CFAP44: variants seen among roughly 807,000 people sequenced by gnomAD.
CFAP44 encodes cilia and flagella associated protein 44.
In CFAP44, 134 loss-of-function variants were observed where a neutral mutation model predicts 216.2. The ratio of observed to expected loss-of-function variants is 0.62; its 90% confidence interval spans 0.54 to 0.72. The LOEUF is 0.72. CFAP44 is among the 30% of genes least tolerant of loss of function. The pLI, the probability that CFAP44 is intolerant of heterozygous loss-of-function variation, is 0.00. For missense variants in CFAP44, 2,035 were observed against 2,182.1 expected (o/e 0.93, Z 1.34); for synonymous variants, 700 against 727.6 (o/e 0.96, Z 0.61).
intron 3 of CFAP44, chr3:113,426,892 C>A: frequency 3.1e-6 from 1 of 322,606 alleles, no homozygotes; most frequent in Admixed American, 5.1e-5. Context: ...GGGGAACTCC[C>A]AATTACTTCC....
At chr3:113,400,088 C>A in intron 12 of CFAP44, 88 bp from the exon 13 acceptor site, 1 of 847,130 alleles carries the variant, frequency 1.2e-6, no homozygotes, top group Non-Finnish European at 1.7e-6. Flanking sequence ...AATATTATAA[C>A]AAGAAATTTC....
chr3:113,307,070 A>G (rs1472187693), intron 29 of CFAP44, among the ~76,000 whole-genome samples: 1 of 152,196 alleles, frequency 6.6e-6, no homozygotes, highest in Non-Finnish European at 1.5e-5. Flanking sequence ...TTTTTTCTCT[A>G]CTGAACCGTT....
intron 34 of CFAP44, 77 bp downstream of exon 34, chr3:113,294,610 C>T (rs1227321425): frequency 1.4e-6 from 2 of 1,445,428 alleles, no homozygotes; most frequent in Non-Finnish European, 9.0e-7. Context: ...AATGCCAGTA[C>T]TTAACATTCT....
intron 6 of CFAP44, among the ~76,000 whole-genome samples, chr3:113,413,914 G>C (rs1018174456): frequency 6.6e-6 from 1 of 152,328 alleles, no homozygotes. Flanking sequence ...ATGGTAGTTT[G>C]ATGGGAATAG....
At position 113,330,748 on chromosome 3, in the gene CFAP44, T is replaced by C; in HGVS notation, c.3616-80A>G. ...ATGGAATATGATCTGCTCTTTTCTG[T>C]TGCTGAAAGGCCTAGAAAAAATTCA... is the stretch of plus-strand genomic sequence containing the variant. On this transcript the variant is annotated intron_variant, in intron 25 of 34. Transcript: ENST00000393845. 2.1e-6 allele frequency: 3 copies of C among 1,422,922 alleles called. 1 individual carries two copies. In the South Asian group the frequency reaches 4.8e-5, roughly 23 times the overall value. 88.1% of individuals were successfully genotyped at this position (1,422,922 alleles called of 1,614,324 possible).
chr3:113,364,623 G>C (rs1278034515), intron 19 of CFAP44, among the ~76,000 whole-genome samples: 1 of 151,914 alleles, frequency 6.6e-6, no homozygotes, highest in African/African-American at 2.4e-5. Flanking sequence ...GCTGATACTG[G>C]GGCAATTGTC....
intron 28 of CFAP44, among the ~76,000 whole-genome samples, chr3:113,318,596 A>G (rs1219067796): frequency 1.3e-5 from 2 of 152,180 alleles, no homozygotes; most frequent in African/African-American, 4.8e-5. Flanking sequence ...GATATGATAC[A>G]AGATGACCAC....
At chr3:113,377,410 G>A (rs1338144813) in intron 17 of CFAP44, among the ~76,000 whole-genome samples, 1 of 152,060 alleles carries the variant, frequency 6.6e-6, no homozygotes, top group African/African-American at 2.4e-5. Flanking sequence ...ATGAACTCTG[G>A]AGCCAGATTG....
chr3:113,300,487 A>C (rs1949924287), intron 32 of CFAP44, among the ~76,000 whole-genome samples: 1 of 150,518 alleles, frequency 6.6e-6, no homozygotes, highest in African/African-American at 2.4e-5. Context: ...ATATATATAT[A>C]TATATACCTA....
intron 19 of CFAP44, 21 bp from the exon 20 acceptor site, chr3:113,363,553 G>A (rs748657244): frequency 3.8e-6 from 6 of 1,575,388 alleles, no homozygotes; most frequent in Non-Finnish European, 5.2e-6. Context: ...GGAAGTAAAA[G>A]GTTAGCCCTT....
chr3:113,375,364 AG>A (rs1223864963), intron 17 of CFAP44, among the ~76,000 whole-genome samples: 3 of 152,244 alleles, frequency 2.0e-5, no homozygotes, highest in Non-Finnish European at 1.5e-5. Flanking sequence ...TTCAATAAAA[AG>A]CAATTGGAAA....
At chr3:113,399,135 C>A (rs1934069530) in intron 13 of CFAP44, among the ~76,000 whole-genome samples, 1 of 152,168 alleles carries the variant, frequency 6.6e-6, no homozygotes, top group Non-Finnish European at 1.5e-5. Flanking sequence ...TTGGCAGTCC[C>A]AGCTTAGCCT....
intron 28 of CFAP44, among the ~76,000 whole-genome samples, chr3:113,314,258 A>G (rs893704752): frequency 3.3e-5 from 5 of 152,206 alleles, no homozygotes; most frequent in Non-Finnish European, 7.3e-5. Context: ...CTAAAGACAA[A>G]GAAAAAGTCT....
intron 22 of CFAP44, among the ~76,000 whole-genome samples, chr3:113,349,446 A>G (rs571981842): frequency 1.1e-4 from 17 of 152,306 alleles, no homozygotes; most frequent in African/African-American, 3.6e-4. Flanking sequence ...GAAAGGCCGC[A>G]GGCTTAGTCA....
intron 22 of CFAP44, 78 bp from the exon 23 acceptor site, chr3:113,344,790 T>A: frequency 8.3e-7 from 1 of 1,205,546 alleles, no homozygotes; most frequent in Non-Finnish European, 1.1e-6. Flanking sequence ...AAAATAAAAC[T>A]ACAATACACT....
intron 15 of CFAP44, among the ~76,000 whole-genome samples, chr3:113,389,531 T>C (rs1053051173): frequency 1.3e-5 from 2 of 151,714 alleles, no homozygotes; most frequent in East Asian, 3.9e-4. Context: ...AGAACAAAAT[T>C]AAATGAAATT....
intron 22 of CFAP44, among the ~76,000 whole-genome samples, chr3:113,348,199 C>T (rs780370342): frequency 4.6e-5 from 7 of 151,724 alleles, no homozygotes; most frequent in Admixed American, 1.3e-4. Flanking sequence ...GTTCTTGGGT[C>T]GGGGGGAAGT....
At chr3:113,412,734 T>C (rs1048079136) in intron 6 of CFAP44, among the ~76,000 whole-genome samples, 12 of 152,228 alleles carry the variant, frequency 7.9e-5, no homozygotes, top group African/African-American at 2.9e-4. Flanking sequence ...TAGTATTCCA[T>C]GATGTATATG....
chr3:113,419,971 A>C, intron 5 of CFAP44, 46 bp downstream of exon 5: 1 of 1,597,160 alleles, frequency 6.3e-7, no homozygotes, highest in Non-Finnish European at 8.5e-7. Context: ...AACAAGCAAA[A>C]AGATAGGGTT....
Sources: allele counts gnomAD v4.1 joint callset (sites outside exome capture counted in the v4.1 genomes callset), GRCh38; gene constraint gnomAD v4.1.1; transcripts MANE v1.5; gene names NCBI Gene and HGNC (gene_info 2026-07-23, HGNC 2026-07-21).